Variants in WIPI2 observed in about 807,000 individuals in gnomAD.
The protein encoded by WIPI2 is WD repeat domain phosphoinositide-interacting protein 2.
A neutral mutation model predicts 52.3 loss-of-function variants in WIPI2; 28 were observed. The ratio of observed to expected loss-of-function variants is 0.54; its 90% CI spans 0.40 to 0.73. WIPI2 has a LOEUF of 0.73. Among genes scored for constraint, WIPI2 ranks in the 30% least tolerant of loss-of-function variants. The pLI is 0.00. For synonymous variants in WIPI2, 268 were observed against 245.0 expected (o/e 1.09, Z -0.88); for missense variants, 506 against 602.9 (o/e 0.84, Z 1.68).
chr7:5,204,045 T>C (rs961076146), intron 3 of WIPI2, among the ~76,000 whole-genome samples: 3 of 152,250 alleles, frequency 2.0e-5, no homozygotes, highest in African/African-American at 7.2e-5. Context: ...TATTATGGCA[T>C]CTTTCACCTA....
chr7:5,197,910 C>G (rs1781828583), intron 2 of WIPI2, among the ~76,000 whole-genome samples: 1 of 152,210 alleles, frequency 6.6e-6, no homozygotes. Flanking sequence ...CTGCTGAAAG[C>G]TGGACTTGCT....
chr7:5,192,280 G>A (rs532573727), intron 1 of WIPI2, among the ~76,000 whole-genome samples: 2 of 152,276 alleles, frequency 1.3e-5, no homozygotes, highest in South Asian at 4.1e-4. Context: ...TGGTTTTTAA[G>A]CCCAAGGCCA....
At chr7:5,191,004 GTTTGTT>G (rs201563863) in intron 1 of WIPI2, among the ~76,000 whole-genome samples, 4,679 of 151,612 alleles carry the variant, frequency 0.031, 93 homozygotes, top group Middle Eastern at 0.1. Flanking sequence ...CTGTTTTTTT[GTTTGTT>G]TTTGTTTTTT....
Position 5,230,847 on chromosome 7 carries a change from A to T in WIPI2, c.1265A>T (p.Asp422Val). The change falls in exon 13 of 13, where the codon GAC becomes GTC. Residue 422 changes from aspartate to valine, a missense_variant. Asp to Val is a radical substitution (Grantham distance 152). Around this residue, in one of 4 missense-constraint regions of WIPI2, gnomAD observed 194 missense variants for 175.1 expected, o/e 1.11. Transcript: ENST00000288828. The surrounding 1 kb of genome is among the most constrained non-coding windows in gnomAD (Gnocchi z 4.8). ...SSPTRLAYTDDLGAVGGACLE... is the reference protein window; with the variant it reads ...SSPTRLAYTDVLGAVGGACLE... The stretch of plus-strand genomic sequence containing the variant: ...CGTCTCTTTGCAGCCTACACAGACG[A>T]CCTGGGTGCTGTGGGTGGCGCCTGC... The T allele has an allele frequency of 6.2e-7, 1 of 1,613,638 alleles. No homozygotes were observed. Among genetic ancestry groups the T allele is most frequent in the South Asian group, 1.1e-5 (1 of 90,962 alleles).
intron 6 of WIPI2, 23 bp from the exon 7 acceptor site, chr7:5,217,899 C>T (rs1440367806): frequency 1.2e-6 from 2 of 1,613,712 alleles, no homozygotes; most frequent in Non-Finnish European, 1.7e-6. Flanking sequence ...GGTGGCCACT[C>T]TTTATTGGTG....
chr7:5,214,373 A>T lies in WIPI2; in HGVS notation c.212-162A>T, dbSNP rs3807587. 1,073 of 1,595,430 alleles carry T rather than the reference A, an allele frequency of 6.7e-4. 11 individuals carry two copies. The East Asian group carries it at 0.023, about 34-fold the overall frequency. On this transcript the variant is annotated intron_variant, in intron 3 of 12. Coordinates refer to ENST00000288828, the MANE Select transcript of WIPI2 (RefSeq NM_015610.4). Reference sequence around the variant, plus strand: ...GGCTCCAGCGAATCAAGACCCTCAGACCCCCGGGCTGTCCCCACCCCATGA... The same window carrying T: ...GGCTCCAGCGAATCAAGACCCTCAGTCCCCCGGGCTGTCCCCACCCCATGA...
At chr7:5,197,071 T>C (rs1781773859) in intron 2 of WIPI2, among the ~76,000 whole-genome samples, 2 of 121,884 alleles carry the variant, frequency 1.6e-5, no homozygotes, top group African/African-American at 6.4e-5. Context: ...AGGATCGCGC[T>C]GCTGCACTCC....
chr7:5,217,279 C>T (rs527698302), intron 6 of WIPI2, 92 bp downstream of exon 6: 3 of 1,305,892 alleles, frequency 2.3e-6, no homozygotes, highest in Non-Finnish European at 3.3e-6. Context: ...TGACTTGGCT[C>T]AGCAATACAA....
intron 1 of WIPI2, among the ~76,000 whole-genome samples, chr7:5,191,712 C>A (rs1283881808): frequency 2.0e-5 from 3 of 152,108 alleles, no homozygotes; most frequent in African/African-American, 7.2e-5. Context: ...TGGCATCTTA[C>A]TAAGTCATTG....
chr7:5,193,656 A>T (rs928045979), intron 2 of WIPI2, among the ~76,000 whole-genome samples: 4 of 152,356 alleles, frequency 2.6e-5, no homozygotes, highest in Non-Finnish European at 5.9e-5. Flanking sequence ...GCTTACTGCA[A>T]CTTTGAGTTC....
rs1488530625 is a variant in WIPI2, at chr7:5,217,179, A to G, written c.568A>G (p.Ile190Val). The change falls in exon 6 of 13, where the codon ATT becomes GTT. Residue 190 changes from isoleucine (I) to valine (V), a missense_variant. Transcript: ENST00000288828. ...TIGEVQVFDT[I>V]NLRAANMIPA... ...CGGAGAGGTGCAGGTCTTCGATACC[A>G]TTAATTTGGTGAGATGCCTTTCCTG... The G allele has an allele frequency of 6.2e-6, 10 of 1,613,976 alleles. No individual in the cohort carries two copies. The East Asian group carries it at 1.1e-4, about 18-fold the overall frequency.
chr7:5,229,684 T>C lies in WIPI2; in HGVS notation c.1198T>C (p.Tyr400His). Residue 400 changes from tyrosine (Y) to histidine (H), a missense_variant, in exon 12 of 13, where the codon TAC (tyrosine) becomes CAC (histidine). Tyr to His is a moderately conservative substitution (Grantham distance 83). Coordinates refer to ENST00000288828, the MANE Select transcript of WIPI2 (RefSeq NM_015610.4). ...CGACTGCCCCTTAGTCACTCAGACATACGGCGCAGCTGCAGGAAAAGGTAC... is the reference window on the plus strand; with the variant it reads ...CGACTGCCCCTTAGTCACTCAGACACACGGCGCAGCTGCAGGAAAAGGTAC... Reference protein sequence around the residue: ...SHDCPLVTQTYGAAAGKGTYV... With the variant: ...SHDCPLVTQTHGAAAGKGTYV... The C allele has an allele frequency of 1.9e-6, 3 of 1,614,100 alleles. No individual in the cohort carries two copies. The highest frequency in any genetic ancestry group is 2.5e-6 in the Non-Finnish European group (3 of 1,179,984).
At chr7:5,224,583 G>A (rs1262403910) in intron 8 of WIPI2, among the ~76,000 whole-genome samples, 2 of 152,154 alleles carry the variant, frequency 1.3e-5, no homozygotes, top group Admixed American at 6.5e-5. Flanking sequence ...TAACTTGGGT[G>A]GGGAGAAGCC....
intron 2 of WIPI2, among the ~76,000 whole-genome samples, chr7:5,197,637 T>C (rs188083980): frequency 6.6e-6 from 1 of 152,208 alleles, no homozygotes; most frequent in Non-Finnish European, 1.5e-5. Flanking sequence ...ATACTGATTA[T>C]AGCAACTCTT....
At chr7:5,226,286 TA>T (rs2115314812) in intron 9 of WIPI2, 1 of 246,370 alleles carries the variant, frequency 4.1e-6, no homozygotes, top group African/African-American at 2.2e-5. Context: ...GCTCGTCTCT[TA>T]CCTTCCCACG....
At chr7:5,205,295 T>C (rs1782240781) in intron 3 of WIPI2, among the ~76,000 whole-genome samples, 1 of 152,134 alleles carries the variant, frequency 6.6e-6, no homozygotes, top group Admixed American at 6.5e-5. Flanking sequence ...TAGTCTTAAG[T>C]AATGACAAAA....
At position 5,190,509 on chromosome 7, in the gene WIPI2, G is replaced by T; in HGVS notation, c.74+16G>T. Reference sequence around the variant, plus strand: ...AGGACAACACGTAAGGCCGGGGTCGGGGGTCGGAGTCGGGGTGAGGCCAGG... The same window carrying T: ...AGGACAACACGTAAGGCCGGGGTCGTGGGTCGGAGTCGGGGTGAGGCCAGG... On this transcript the variant is annotated intron_variant, in intron 1 of 12. Coordinates refer to ENST00000288828, the MANE Select transcript of WIPI2 (RefSeq NM_015610.4). 3 of 1,493,590 alleles carry T rather than the reference G, an allele frequency of 2.0e-6. No homozygotes were observed. Among genetic ancestry groups the T allele is most frequent in the Non-Finnish European group, 2.7e-6 (3 of 1,118,688 alleles). The allele number at this position is 1,493,590 out of a possible 1,614,324, so 92.5% of individuals were successfully genotyped here.
At chr7:5,216,432 CAAA>C in intron 4 of WIPI2, 128 bp from the exon 5 acceptor site, 1 of 742,722 alleles carries the variant, frequency 1.3e-6, no homozygotes. Context: ...ACACTGACTC[CAAA>C]AAAATAAAAT....
intron 1 of WIPI2, chr7:5,190,941 TC>T (rs2097336759): frequency 6.3e-6 from 1 of 157,622 alleles, no homozygotes; most frequent in Non-Finnish European, 1.4e-5. Flanking sequence ...CCTTGTCTTT[TC>T]ATCGTCTTAA....
Sources: gnomAD v4.1 joint callset for allele counts (sites outside exome capture counted in the v4.1 genomes callset) on GRCh38, gnomAD v4.1.1 for gene constraint, gnomAD v4.1.1 regional missense constraint, Gnocchi (gnomAD v3.1) non-coding constraint, MANE v1.5 for transcripts, NCBI Gene and HGNC (gene_info 2026-07-23, HGNC 2026-07-21) for gene names.